The following SNX2 variants were observed in gnomAD, a reference collection of about 807,000 sequenced individuals.
SNX2 encodes the protein sorting nexin 2, also known as sorting nexin-2.
SNX2 carries 25 observed loss-of-function variants against 69.9 expected under a neutral mutation model. That is an observed-to-expected ratio of 0.36 (90% CI 0.26 to 0.50). The LOEUF (loss-of-function observed/expected upper bound fraction) is 0.50. SNX2 is among the 20% of genes least tolerant of loss of function. The probability of loss-of-function intolerance (pLI) is 0.97; values close to 1 mark genes in which losing one functional copy is unlikely to be tolerated. For missense variants in SNX2, 551 were observed against 613.3 expected, an observed-to-expected ratio of 0.90 and a Z score of 1.07; for synonymous variants, 229 against 200.4, an observed-to-expected ratio of 1.14 and a Z score of -1.20.
chr5:122,775,230 G>C lies in SNX2; in HGVS notation c.108+19G>C, dbSNP rs1345519458. ...CCTAGAGGTGAGACCGCGTCGCTGC[G>C]GGTGCTGCGCTGCGTAGCTGCCGCG... is the stretch of plus-strand genomic sequence containing the variant. On this transcript the variant is annotated intron_variant, in intron 1 of 14. Coordinates refer to ENST00000379516, the MANE Select transcript of SNX2 (RefSeq NM_003100.4). 8 of 1,544,948 alleles carry C rather than the reference G, an allele frequency of 5.2e-6. No individual in the cohort carries two copies. The highest frequency in any genetic ancestry group is 6.1e-6 in the Non-Finnish European group (7 of 1,142,994).
At chr5:122,788,768 CT>C (rs1267852194) in intron 1 of SNX2, among the ~76,000 whole-genome samples, 2 of 151,794 alleles carry the variant, frequency 1.3e-5, no homozygotes, top group African/African-American at 4.8e-5. Context: ...TAGCAGCTTT[CT>C]TTTTTTGCAG....
At chr5:122,787,521 C>A (rs112756660) in intron 1 of SNX2, among the ~76,000 whole-genome samples, 4 of 151,296 alleles carry the variant, frequency 2.6e-5, no homozygotes, top group Non-Finnish European at 5.9e-5. Flanking sequence ...CTGTCCCCCC[C>A]CAAAAAAAAA....
At chr5:122,826,240 C>A in intron 12 of SNX2, 47 bp downstream of exon 12, 1 of 1,536,484 alleles carries the variant, frequency 6.5e-7, no homozygotes, top group South Asian at 1.2e-5. Flanking sequence ...TTGCATGAGT[C>A]ATTCATATAT....
intron 10 of SNX2, 150 bp downstream of exon 10, chr5:122,817,523 T>A: frequency 1.8e-6 from 1 of 555,544 alleles, no homozygotes. Context: ...CTTTATTATG[T>A]AAATTTTTTT....
chr5:122,827,226 G>A (rs1754169032), intron 12 of SNX2, 153 bp from the exon 13 acceptor site: 1 of 624,124 alleles, frequency 1.6e-6, no homozygotes, highest in Admixed American at 3.1e-5. Flanking sequence ...TTGGTTGACA[G>A]TTAAATGCAA....
chr5:122,826,278 CCATT>C (rs1334827699), intron 12 of SNX2, 85 bp downstream of exon 12: 7 of 1,143,154 alleles, frequency 6.1e-6, no homozygotes, highest in African/African-American at 3.1e-5. Flanking sequence ...TTTTTGTAAA[CCATT>C]CAACACGTAG....
At chr5:122,814,413 A>G (rs186336715) in intron 7 of SNX2, among the ~76,000 whole-genome samples, 11 of 152,304 alleles carry the variant, frequency 7.2e-5, no homozygotes, top group African/African-American at 2.4e-4. Context: ...TACCTGTTAA[A>G]TGCTCTGGTT....
chr5:122,792,125 T>G (rs1468208099), intron 1 of SNX2, among the ~76,000 whole-genome samples: 1 of 152,232 alleles, frequency 6.6e-6, no homozygotes, highest in Non-Finnish European at 1.5e-5. Flanking sequence ...TTTGGGACTT[T>G]AAGAATTAGT....
chr5:122,801,625 A>C (rs1237283933), intron 3 of SNX2, among the ~76,000 whole-genome samples: 2 of 135,964 alleles, frequency 1.5e-5, no homozygotes, highest in South Asian at 4.5e-4. Flanking sequence ...AAAAAAAAAA[A>C]TTGTTACTTC....
chr5:122,814,664 GAAATA>G (rs1409767588), intron 7 of SNX2, among the ~76,000 whole-genome samples: 4 of 152,090 alleles, frequency 2.6e-5, no homozygotes, highest in South Asian at 2.1e-4. Context: ...TTATTCTAAA[GAAATA>G]AAATAAATAT....
intron 1 of SNX2, among the ~76,000 whole-genome samples, chr5:122,789,442 TACAC>T (rs34588472): frequency 5.0e-4 from 71 of 141,660 alleles, no homozygotes; most frequent in South Asian, 1.6e-3. Context: ...CACACACACA[TACAC>T]ACACACACAC....
At chr5:122,775,815 G>T in intron 1 of SNX2, 13 of 972,042 alleles carry the variant, frequency 1.3e-5, no homozygotes, top group Non-Finnish European at 1.6e-5. Context: ...CTTTTAAAAG[G>T]TCATAGTATT....
chr5:122,794,164 A>G (rs1247879362), intron 1 of SNX2, among the ~76,000 whole-genome samples: 1 of 152,006 alleles, frequency 6.6e-6, no homozygotes, highest in African/African-American at 2.4e-5. Flanking sequence ...TACAAAAATT[A>G]GCCGGGCATG....
At chr5:122,816,482 C>T (rs1292776455) in intron 8 of SNX2, among the ~76,000 whole-genome samples, 1 of 152,086 alleles carries the variant, frequency 6.6e-6, no homozygotes, top group African/African-American at 2.4e-5. Flanking sequence ...CTTTAAATTA[C>T]TTGAGTTGCA....
intron 7 of SNX2, among the ~76,000 whole-genome samples, chr5:122,812,199 A>C (rs978178882): frequency 7.2e-5 from 11 of 151,876 alleles, no homozygotes; most frequent in Non-Finnish European, 1.2e-4. Context: ...ACCCCTCCCC[A>C]CGCTGGCCCC....
intron 14 of SNX2, chr5:122,828,011 T>TA (rs1209932287): frequency 6.1e-6 from 1 of 163,130 alleles, no homozygotes; most frequent in East Asian, 1.8e-4. Context: ...GAACTTAAGC[T>TA]AAACACTTTT....
intron 1 of SNX2, among the ~76,000 whole-genome samples, chr5:122,783,663 A>C (rs1279162737): frequency 6.6e-6 from 1 of 152,188 alleles, no homozygotes; most frequent in African/African-American, 2.4e-5. Context: ...CCCAGTCTAC[A>C]CTGTCTTGAT....
intron 1 of SNX2, among the ~76,000 whole-genome samples, chr5:122,778,246 C>G (rs1752897387): frequency 6.6e-6 from 1 of 152,142 alleles, no homozygotes; most frequent in Admixed American, 6.5e-5. Context: ...AGATTGCTTC[C>G]AAATCTTGTC....
At chr5:122,808,810 C>T (rs1204775510) in intron 7 of SNX2, 2 of 156,152 alleles carry the variant, frequency 1.3e-5, no homozygotes, top group Non-Finnish European at 2.8e-5. Flanking sequence ...AGTTATACCA[C>T]ACTCATGTAC....
Sources: allele counts gnomAD v4.1 joint callset (sites outside exome capture counted in the v4.1 genomes callset), GRCh38; gene constraint gnomAD v4.1.1; transcripts MANE v1.5; gene names NCBI Gene and HGNC (gene_info 2026-07-23, HGNC 2026-07-21).